The following SH3GL3 variants were observed in gnomAD, a reference collection of about 807,000 sequenced individuals.
SH3GL3 encodes SH3 domain containing GRB2 like 3, endophilin A3.
SH3GL3 carries 33 observed loss-of-function variants against 47.7 expected under a neutral mutation model. The ratio of observed to expected loss-of-function variants is 0.69; its 90% CI spans 0.52 to 0.92. The LOEUF is 0.92. SH3GL3 is among the 40% of genes least tolerant of loss of function. The pLI, the probability that SH3GL3 is intolerant of heterozygous loss-of-function variation, is 0.00. For synonymous variants in SH3GL3, 155 were observed against 148.8 expected (o/e 1.04, Z -0.30); for missense variants, 363 against 417.8 (o/e 0.87, Z 1.14).
chr15:83,556,951 A>G (rs1343722237), intron 1 of SH3GL3, among the ~76,000 whole-genome samples: 1 of 152,226 alleles, frequency 6.6e-6, no homozygotes, highest in Non-Finnish European at 1.5e-5. Context: ...AAGGCAGCCC[A>G]GACTTGGTCA....
At chr15:83,511,610 C>A (rs2042753330) in intron 1 of SH3GL3, among the ~76,000 whole-genome samples, 1 of 152,156 alleles carries the variant, frequency 6.6e-6, no homozygotes, top group African/African-American at 2.4e-5. Context: ...ACTATTACTA[C>A]TACTACGGGT....
At chr15:83,450,759 C>CT (rs11389152) in intron 1 of SH3GL3, among the ~76,000 whole-genome samples, 6,632 of 44,694 alleles carry the variant, frequency 0.15, 622 homozygotes, top group East Asian at 0.29. Context: ...GGATATTTTT[C>CT]TTTTTTTTTT....
intron 8 of SH3GL3, among the ~76,000 whole-genome samples, chr15:83,601,056 T>C (rs2060366267): frequency 6.6e-6 from 1 of 152,226 alleles, no homozygotes; most frequent in Non-Finnish European, 1.5e-5. Flanking sequence ...GAAACTTTGC[T>C]GAATTCATTT....
At chr15:83,522,582 G>A (rs1274473051) in intron 1 of SH3GL3, among the ~76,000 whole-genome samples, 1 of 152,080 alleles carries the variant, frequency 6.6e-6, no homozygotes, top group African/African-American at 2.4e-5. Context: ...CTGTTACTAC[G>A]TTAATTTAAC....
intron 8 of SH3GL3, among the ~76,000 whole-genome samples, chr15:83,616,913 G>T (rs965643598): frequency 6.6e-6 from 1 of 152,184 alleles, no homozygotes; most frequent in African/African-American, 2.4e-5. Flanking sequence ...TTGAAGAAAT[G>T]TTACATTGTG....
At chr15:83,467,703 G>A (rs1322089750) in intron 1 of SH3GL3, among the ~76,000 whole-genome samples, 1 of 152,140 alleles carries the variant, frequency 6.6e-6, no homozygotes, top group Non-Finnish European at 1.5e-5. Context: ...TTTGCTCTTT[G>A]ATTTCTCTCA....
At chr15:83,626,684 A>G in the SH3GL3 span, among the ~76,000 whole-genome samples, 22 of 152,310 alleles carry the variant, frequency 1.4e-4, no homozygotes, top group African/African-American at 5.1e-4. Context: ...GAGGGAATTC[A>G]GGGATTAGAG....
intron 1 of SH3GL3, among the ~76,000 whole-genome samples, chr15:83,476,680 A>G (rs2151545357): frequency 6.6e-6 from 1 of 152,402 alleles, no homozygotes; most frequent in South Asian, 2.1e-4. Flanking sequence ...CTATTGGAAC[A>G]CAGCCATGCT....
chr15:83,607,803 G>A (rs1283293592), intron 8 of SH3GL3, among the ~76,000 whole-genome samples: 2 of 151,426 alleles, frequency 1.3e-5, no homozygotes, highest in African/African-American at 4.8e-5. Context: ...AATTAAGGCA[G>A]CTGTTTGCAT....
intron 8 of SH3GL3, among the ~76,000 whole-genome samples, chr15:83,610,401 A>G (rs966185554): frequency 6.6e-6 from 1 of 152,136 alleles, no homozygotes; most frequent in South Asian, 2.1e-4. Context: ...TCCGGGCATG[A>G]TGGTGCCTGT....
chr15:83,479,343 G>A (rs2041238721), intron 1 of SH3GL3, among the ~76,000 whole-genome samples: 1 of 152,096 alleles, frequency 6.6e-6, no homozygotes, highest in African/African-American at 2.4e-5. Context: ...GTGTGTGTGT[G>A]TGTGTGTGGT....
In SH3GL3 at chr15:83,448,476, G is replaced by T. The variant is rs999671010; in HGVS notation, c.45+898G>T. 7.1e-6 allele frequency among the ~76,000 whole-genome samples: 1 copy of T among 140,804 alleles called. No homozygotes were observed. Among genetic ancestry groups the T allele is most frequent in the African/African-American group, 2.6e-5 (1 of 38,158 alleles). The allele number at this position is 140,804 out of a possible 152,430, so 92.4% of individuals were successfully genotyped here. On this transcript the variant is annotated intron_variant, in intron 1 of 8. Coordinates refer to ENST00000427482, the MANE Select transcript of SH3GL3 (RefSeq NM_003027.5). This position sits in a 1 kb window ranked among gnomAD's most constrained non-coding sequence, Gnocchi z 4.2. ...TGTGTGTGTGTGTGTGTGTGTGTGT[G>T]TGTGTTGATGACAAGCAAATTTGTT...
chr15:83,544,018 C>A (rs1010793236), intron 1 of SH3GL3, among the ~76,000 whole-genome samples: 14 of 151,454 alleles, frequency 9.2e-5, no homozygotes, highest in Non-Finnish European at 5.9e-5. Context: ...TTATTTATTT[C>A]TGCCTGATTT....
At position 83,577,204 on chromosome 15, in the gene SH3GL3, C is replaced by T. The variant is rs200385271; in HGVS notation, c.624+463C>T. Among the ~76,000 whole-genome samples the T allele has an allele frequency of 1.0e-3, 156 of 151,492 alleles. 2 individuals carry two copies. The highest frequency in any genetic ancestry group is 2.2e-3 in the African/African-American group (90 of 41,266). ...GATTAAAGGTGTGAGCCACCACCCCCGTCCAATCTCATAATGTTTTAAGAA... is the reference window on the plus strand; with the variant it reads ...GATTAAAGGTGTGAGCCACCACCCCTGTCCAATCTCATAATGTTTTAAGAA... On this transcript the variant is annotated intron_variant, in intron 6 of 8. Transcript: ENST00000427482.
chr15:83,630,530 G>C, the SH3GL3 span, among the ~76,000 whole-genome samples: 3 of 152,058 alleles, frequency 2.0e-5, no homozygotes, highest in Admixed American at 2.0e-4. Flanking sequence ...CTGAGGGCTG[G>C]GGAGGCCTCA....
At chr15:83,533,843 G>T (rs1299754145) in intron 1 of SH3GL3, among the ~76,000 whole-genome samples, 1 of 152,198 alleles carries the variant, frequency 6.6e-6, no homozygotes, top group African/African-American at 2.4e-5. Context: ...ATTCGCAGGT[G>T]TCCCATTTCC....
Position 83,572,682 on chromosome 15 carries a change from A to G in SH3GL3, c.449A>G (p.Asp150Gly). 2 of 1,610,034 alleles carry G rather than the reference A, an allele frequency of 1.2e-6. No homozygotes were observed. The highest frequency in any genetic ancestry group is 1.7e-6 in the Non-Finnish European group (2 of 1,176,494). ...CCACTTCAGTTACTACAAGATAAAGATTTAAAAGAGATCGGGGTAAGTCTT... is the reference window on the plus strand; with the variant it reads ...CCACTTCAGTTACTACAAGATAAAGGTTTAAAAGAGATCGGGGTAAGTCTT... Reference protein sequence around the residue: ...IDPLQLLQDKDLKEIGHHLKK... With the variant: ...IDPLQLLQDKGLKEIGHHLKK... Residue 150 changes from aspartate (D) to glycine (G), a missense_variant, in exon 5 of 9, where the codon GAT (aspartate) becomes GGT (glycine). Transcript: ENST00000427482.
intron 8 of SH3GL3, among the ~76,000 whole-genome samples, chr15:83,593,627 C>T (rs1406593987): frequency 6.6e-6 from 1 of 152,084 alleles, no homozygotes; most frequent in African/African-American, 2.4e-5. Flanking sequence ...CATAGATGTT[C>T]ACGTCATCTA....
At chr15:83,461,955 G>C (rs899263820) in intron 1 of SH3GL3, among the ~76,000 whole-genome samples, 1 of 152,210 alleles carries the variant, frequency 6.6e-6, no homozygotes, top group Non-Finnish European at 1.5e-5. Context: ...TTAGATTGTA[G>C]TCTTGTGAGT....
Sources: gnomAD v4.1 joint callset for allele counts (sites outside exome capture counted in the v4.1 genomes callset) on GRCh38, gnomAD v4.1.1 for gene constraint, Gnocchi (gnomAD v3.1) non-coding constraint, MANE v1.5 for transcripts, NCBI Gene and HGNC (gene_info 2026-07-23, HGNC 2026-07-21) for gene names.